The following PLCB4 variants were observed in gnomAD, a reference collection of about 807,000 sequenced individuals.
The protein encoded by PLCB4 is 1-phosphatidylinositol 4,5-bisphosphate phosphodiesterase beta-4.
A neutral mutation model predicts 178.8 loss-of-function variants in PLCB4; 77 were observed. The ratio of observed to expected loss-of-function variants is 0.43; its 90% CI spans 0.36 to 0.52. PLCB4 has a LOEUF of 0.52. PLCB4 is among the 20% of genes least tolerant of loss of function. The pLI, the probability that PLCB4 is intolerant of heterozygous loss-of-function variation, is 0.00. For missense variants in PLCB4, 1,024 were observed against 1,453.4 expected, an observed-to-expected ratio of 0.70 and a Z score of 4.80; for synonymous variants, 496 against 490.8, an observed-to-expected ratio of 1.01 and a Z score of -0.14.
At chr20:9,086,438 C>T (rs528914738) in intron 1 of PLCB4, among the ~76,000 whole-genome samples, 9 of 152,086 alleles carry the variant, frequency 5.9e-5, no homozygotes, top group Admixed American at 2.0e-4. Flanking sequence ...ACTGAGAAGC[C>T]GAGTGACCTT....
At chr20:9,152,611 G>A (rs1238696016) in intron 2 of PLCB4, among the ~76,000 whole-genome samples, 2 of 152,194 alleles carry the variant, frequency 1.3e-5, no homozygotes, top group Admixed American at 6.5e-5. Context: ...ATGCCTGTAT[G>A]CCCAGGCAAA....
In PLCB4 at chr20:9,218,296, G is replaced by A. The variant is rs142227333; in HGVS notation, c.-16+844G>A. Among the ~76,000 whole-genome samples the A allele has an allele frequency of 1.4e-3, 214 of 152,164 alleles. 1 individual carries two copies. Among genetic ancestry groups the A allele is most frequent in the African/African-American group, 4.8e-3 (199 of 41,516 alleles). On this transcript the variant is annotated intron_variant, in intron 3 of 39. Coordinates refer to ENST00000378473, the MANE Select transcript of PLCB4 (RefSeq NM_001377142.1). Reference sequence around the variant, plus strand: ...TAATTTTTGCATTTTTAGCAGAGACGGAGTTTCACCATGTTAGTCAGGCTG... The same window carrying A: ...TAATTTTTGCATTTTTAGCAGAGACAGAGTTTCACCATGTTAGTCAGGCTG...
chr20:9,336,725 T>C (rs2032516830), intron 4 of PLCB4, among the ~76,000 whole-genome samples: 1 of 146,146 alleles, frequency 6.8e-6, no homozygotes, highest in Admixed American at 6.8e-5. Context: ...TGCTAGATTT[T>C]ACAGACAAAA....
chr20:9,164,558 A>T (rs1428970981), intron 2 of PLCB4, among the ~76,000 whole-genome samples: 1 of 152,190 alleles, frequency 6.6e-6, no homozygotes, highest in Non-Finnish European at 1.5e-5. Flanking sequence ...AAGACATTTT[A>T]AAATTATATT....
At chr20:9,135,221 C>G (rs2092358460) in intron 2 of PLCB4, among the ~76,000 whole-genome samples, 1 of 151,950 alleles carries the variant, frequency 6.6e-6, no homozygotes, top group Non-Finnish European at 1.5e-5. Flanking sequence ...GCCAAATATA[C>G]AATTTAACTT....
At chr20:9,201,304 C>T (rs1487015538) in intron 2 of PLCB4, among the ~76,000 whole-genome samples, 1 of 152,026 alleles carries the variant, frequency 6.6e-6, no homozygotes, top group Non-Finnish European at 1.5e-5. Context: ...GTGTATAGTA[C>T]TGTATATATA....
At chr20:9,208,153 G>A (rs1389949280) in intron 2 of PLCB4, among the ~76,000 whole-genome samples, 2 of 152,218 alleles carry the variant, frequency 1.3e-5, no homozygotes, top group African/African-American at 4.8e-5. Context: ...TGGATGCACA[G>A]ACAGTTGCCT....
At position 9,298,486 on chromosome 20, in the gene PLCB4, G is replaced by A. The variant is rs142561412; in HGVS notation, c.-15-9314G>A. On this transcript the variant is annotated intron_variant, in intron 3 of 39. Coordinates refer to ENST00000378473, the MANE Select transcript of PLCB4 (RefSeq NM_001377142.1). ...TTATTCATTATATTTAAATTAAGCTGGATCTCTAAATACTCCAGGCAACTA... is the reference window on the plus strand; with the variant it reads ...TTATTCATTATATTTAAATTAAGCTAGATCTCTAAATACTCCAGGCAACTA... 1.7e-3 allele frequency among the ~76,000 whole-genome samples: 257 copies of A among 152,010 alleles called. 1 individual carries two copies. The highest frequency in any genetic ancestry group is 2.7e-3 in the Non-Finnish European group (186 of 67,938).
chr20:9,453,144 TA>T (rs2042867455), intron 32 of PLCB4, among the ~76,000 whole-genome samples: 1 of 152,190 alleles, frequency 6.6e-6, no homozygotes, highest in Non-Finnish European at 1.5e-5. Context: ...AGACTGAGGC[TA>T]GAGACTCCCA....
intron 32 of PLCB4, among the ~76,000 whole-genome samples, chr20:9,446,117 C>T (rs1478011221): frequency 6.6e-6 from 1 of 152,136 alleles, no homozygotes; most frequent in Admixed American, 6.5e-5. Context: ...ACCTTATATG[C>T]ATTGTCTCAT....
intron 1 of PLCB4, among the ~76,000 whole-genome samples, chr20:9,088,173 CTTTTCTT>C (rs1390375493): frequency 9.7e-5 from 11 of 113,280 alleles, no homozygotes; most frequent in African/African-American, 3.4e-4. Context: ...CTTTTCTTTT[CTTTTCTT>C]TTTTTTTTTT....
chr20:9,365,551 G>A lies in PLCB4; in HGVS notation c.503+37G>A, dbSNP rs2148256146. 4 of 1,233,104 alleles carry A rather than the reference G, an allele frequency of 3.2e-6. No individual in the cohort carries two copies. In the East Asian group the frequency reaches 7.0e-5, roughly 22 times the overall value. The allele number at this position is 1,233,104 out of a possible 1,614,324, so 76.4% of individuals were successfully genotyped here. On this transcript the variant is annotated intron_variant, in intron 9 of 39. Transcript: ENST00000378473. ...TTCCTATCTGCTGTCCGTGTCCCGG[G>A]TCAACGCTTGTCATCCCAAACCAAA...
chr20:9,444,305 CACT>C, intron 32 of PLCB4, 62 bp downstream of exon 32: 1 of 1,003,390 alleles, frequency 1.0e-6, no homozygotes, highest in Non-Finnish European at 1.6e-6. Flanking sequence ...TAGCCAAAAA[CACT>C]ACTTTGAAGC....
At chr20:9,097,733 G>T (rs537443439) in intron 2 of PLCB4, among the ~76,000 whole-genome samples, 7 of 152,070 alleles carry the variant, frequency 4.6e-5, no homozygotes, top group African/African-American at 1.7e-4. Flanking sequence ...CCTGGGAATG[G>T]CTTGGTTCTC....
intron 3 of PLCB4, among the ~76,000 whole-genome samples, chr20:9,264,348 G>A (rs1044377267): frequency 1.3e-5 from 2 of 152,222 alleles, no homozygotes; most frequent in East Asian, 1.9e-4. Context: ...TTGCAGGAAC[G>A]CTTTAATTAT....
Position 9,338,908 on chromosome 20 carries a change from G to A in PLCB4, c.240G>A (p.Leu80=). Residue 80 remains leucine (L), a synonymous_variant, in exon 7 of 40, where the codon TTG becomes TTA. Coordinates refer to ENST00000378473, the MANE Select transcript of PLCB4 (RefSeq NM_001377142.1). ...SGAIPKDPKI[L]AALEAVGKSE... is the part of the protein sequence containing the mutation. ...CCTCTATACAGGATCCCAAAATCTT[G>A]GCTGCTCTTGAAGCTGTTGGAAAAT... The A allele has an allele frequency of 1.2e-6, 2 of 1,612,798 alleles. No homozygotes were observed. Among genetic ancestry groups the A allele is most frequent in the Middle Eastern group, 1.7e-4 (1 of 6,048 alleles).
chr20:9,413,383 C>T (rs984700291), intron 25 of PLCB4, among the ~76,000 whole-genome samples: 4 of 149,560 alleles, frequency 2.7e-5, no homozygotes, highest in Non-Finnish European at 5.9e-5. Flanking sequence ...GAGGCCGAGG[C>T]GGGCAGTGGC....
intron 2 of PLCB4, among the ~76,000 whole-genome samples, chr20:9,106,663 C>T (rs191316953): frequency 6.6e-6 from 1 of 152,176 alleles, no homozygotes; most frequent in Admixed American, 6.5e-5. Flanking sequence ...CAGTCAGGAA[C>T]ATTTTGCAGT....
intron 12 of PLCB4, among the ~76,000 whole-genome samples, chr20:9,376,193 C>T (rs1026034092): frequency 1.3e-5 from 2 of 152,042 alleles, no homozygotes; most frequent in Non-Finnish European, 2.9e-5. Flanking sequence ...ATCCATGGAC[C>T]AGCAGCATCG....
Sources: allele counts gnomAD v4.1 joint callset (sites outside exome capture counted in the v4.1 genomes callset), GRCh38; gene constraint gnomAD v4.1.1; transcripts MANE v1.5; gene names NCBI Gene and HGNC (gene_info 2026-07-23, HGNC 2026-07-21).